The following DCLK1 variants were observed in gnomAD, a reference collection of about 807,000 sequenced individuals.
DCLK1 encodes doublecortin like kinase 1.
In DCLK1, 16 loss-of-function variants were observed where a neutral mutation model predicts 86.2. The observed-to-expected ratio is 0.19, with a 90% CI of 0.13 to 0.28. The LOEUF (loss-of-function observed/expected upper bound fraction) is 0.28, where lower values mean the gene tolerates loss of function less well. DCLK1 is among the 10% of genes least tolerant of loss of function. DCLK1 has a pLI of 1.00. For synonymous variants in DCLK1, 369 were observed against 370.5 expected (o/e 1.00, Z 0.05); for missense variants, 590 against 940.2 (o/e 0.63, Z 4.87).
intron 3 of DCLK1, among the ~76,000 whole-genome samples, chr13:36,049,769 AAATT>A (rs1161921989): frequency 1.3e-5 from 2 of 152,184 alleles, no homozygotes; most frequent in Non-Finnish European, 2.9e-5. Context: ...TACCCTTATA[AAATT>A]GGCTATGGAA....
chr13:36,112,275 A>G, intron 2 of DCLK1, 60 bp from the exon 3 acceptor site: 1 of 1,317,930 alleles, frequency 7.6e-7, no homozygotes, highest in East Asian at 2.5e-5. Context: ...CTTTTTTCCT[A>G]CTTATCCTCT....
At chr13:35,901,996 G>A (rs926477681) in intron 4 of DCLK1, among the ~76,000 whole-genome samples, 4 of 151,926 alleles carry the variant, frequency 2.6e-5, no homozygotes, top group African/African-American at 2.4e-5. Context: ...ATAATAGAAC[G>A]GTTTATGTTT....
At chr13:35,815,096 C>A (rs932860746) in intron 11 of DCLK1, among the ~76,000 whole-genome samples, 1 of 152,118 alleles carries the variant, frequency 6.6e-6, no homozygotes, top group East Asian at 1.9e-4. Flanking sequence ...TTTTGGGGCA[C>A]ACTGGTATTT....
intron 1 of DCLK1, among the ~76,000 whole-genome samples, chr13:36,129,589 T>C (rs1416536657): frequency 6.6e-6 from 1 of 152,228 alleles, no homozygotes; most frequent in Non-Finnish European, 1.5e-5. Flanking sequence ...CTTGGCTTAG[T>C]CATACATTTG....
At chr13:35,842,468 C>T (rs1038544616) in intron 6 of DCLK1, among the ~76,000 whole-genome samples, 1 of 151,670 alleles carries the variant, frequency 6.6e-6, no homozygotes, top group African/African-American at 2.4e-5. Flanking sequence ...CCCACAAATT[C>T]AAGACCACCC....
At chr13:35,982,874 G>T (rs1879729797) in intron 3 of DCLK1, among the ~76,000 whole-genome samples, 1 of 152,014 alleles carries the variant, frequency 6.6e-6, no homozygotes, top group Non-Finnish European at 1.5e-5. Context: ...CCATTCTCCT[G>T]CCTCAGCTTC....
At chr13:35,864,224 G>A (rs1593675199) in intron 5 of DCLK1, among the ~76,000 whole-genome samples, 1 of 152,140 alleles carries the variant, frequency 6.6e-6, no homozygotes, top group East Asian at 1.9e-4. Context: ...TCTGCTAAGG[G>A]TTCCACAGAC....
At chr13:36,077,822 A>G (rs1199544704) in intron 3 of DCLK1, among the ~76,000 whole-genome samples, 1 of 152,188 alleles carries the variant, frequency 6.6e-6, no homozygotes, top group Non-Finnish European at 1.5e-5. Flanking sequence ...TTCAGAATAT[A>G]AACTATTGCC....
At chr13:35,826,330 C>T (rs1461532074) in intron 10 of DCLK1, among the ~76,000 whole-genome samples, 1 of 150,408 alleles carries the variant, frequency 6.6e-6, no homozygotes, top group Admixed American at 6.6e-5. Context: ...TCGAGACCAG[C>T]CTGACCAACA....
chr13:36,000,499 C>G (rs1013367921), intron 3 of DCLK1, among the ~76,000 whole-genome samples: 2 of 151,914 alleles, frequency 1.3e-5, no homozygotes, highest in African/African-American at 4.8e-5. Flanking sequence ...GCATTAAGAG[C>G]GGGATACCAT....
chr13:35,970,636 T>G (rs538343329), intron 3 of DCLK1, among the ~76,000 whole-genome samples: 1 of 152,276 alleles, frequency 6.6e-6, no homozygotes, highest in East Asian at 1.9e-4. Flanking sequence ...GATGCAGCCT[T>G]TAAGGTGCCA....
chr13:35,821,320 G>T (rs1327686283), intron 11 of DCLK1, among the ~76,000 whole-genome samples: 1 of 152,176 alleles, frequency 6.6e-6, no homozygotes, highest in Non-Finnish European at 1.5e-5. Flanking sequence ...TGTGTCATGG[G>T]AGTTGGGTGG....
chr13:36,032,443 C>T (rs1359247353), intron 3 of DCLK1, among the ~76,000 whole-genome samples: 1 of 152,154 alleles, frequency 6.6e-6, no homozygotes, highest in Non-Finnish European at 1.5e-5. Context: ...TGCGCCCAGC[C>T]CAGTTTTTCT....
chr13:35,771,111 T>G lies in DCLK1; in HGVS notation c.*3424A>C, dbSNP rs879330869. On this transcript the variant is annotated 3_prime_UTR_variant, in exon 17 of 17. Transcript: ENST00000360631. ...GACGCCCTTGGCCAGTAAACAACCA[T>G]GATTTAATGTGCTTGAGACTTGGTC... is the stretch of plus-strand genomic sequence containing the variant. The G allele has an allele frequency of 5.3e-5, 8 of 152,190 alleles. No individual in the cohort carries two copies. Among genetic ancestry groups the G allele is most frequent in the Non-Finnish European group, 1.0e-4 (7 of 68,038 alleles). 9.4% of individuals were successfully genotyped at this position (152,190 alleles called of 1,614,324 possible).
chr13:35,972,926 G>A (rs1220114564), intron 3 of DCLK1, among the ~76,000 whole-genome samples: 1 of 152,078 alleles, frequency 6.6e-6, no homozygotes, highest in Non-Finnish European at 1.5e-5. Context: ...TCCTCATGCT[G>A]TACAAATGCA....
chr13:36,051,687 T>A (rs888965522), intron 3 of DCLK1, among the ~76,000 whole-genome samples: 69 of 152,122 alleles, frequency 4.5e-4, no homozygotes, highest in African/African-American at 1.6e-3. Flanking sequence ...TTACCCTGAT[T>A]TAAGCGAAGA....
rs193201390 is a variant in DCLK1, at chr13:35,771,216, G to A, written c.*3319C>T. ...CTGAAATATGCCTCAAAGGGTAAAG[G>A]ATTGCAATTTTAGCCTTCATTCATG... On this transcript the variant is annotated 3_prime_UTR_variant, in exon 17 of 17. Transcript: ENST00000360631. 3.9e-5 allele frequency: 6 copies of A among 152,222 alleles called. No individual in the cohort carries two copies. The highest frequency in any genetic ancestry group is 2.0e-4 in the Admixed American group (3 of 15,284). The allele number at this position is 152,222 out of a possible 1,614,324, so 9.4% of individuals were successfully genotyped here. A position where few individuals can be genotyped will look rare whatever the true frequency, so the allele number is the denominator to read the frequency against.
intron 3 of DCLK1, among the ~76,000 whole-genome samples, chr13:35,982,189 A>C (rs1879675952): frequency 1.6e-5 from 2 of 127,104 alleles, no homozygotes; most frequent in Admixed American, 1.7e-4. Flanking sequence ...GTGAGGTCAC[A>C]GCCCCCTGGG....
chr13:36,017,367 A>T (rs1471176170), intron 3 of DCLK1, among the ~76,000 whole-genome samples: 2 of 152,196 alleles, frequency 1.3e-5, no homozygotes, highest in Non-Finnish European at 2.9e-5. Context: ...ACTGATGAAG[A>T]TAGAATGTAA....
Sources: gnomAD v4.1 joint callset for allele counts (sites outside exome capture counted in the v4.1 genomes callset) on GRCh38, gnomAD v4.1.1 for gene constraint, MANE v1.5 for transcripts, NCBI Gene and HGNC (gene_info 2026-07-23, HGNC 2026-07-21) for gene names.